VPS50: variants seen among roughly 807,000 people sequenced by gnomAD.
VPS50 encodes the protein syndetin.
VPS50 carries 70 observed loss-of-function variants against 139.7 expected under a neutral mutation model. The observed-to-expected ratio is 0.50, with a 90% CI of 0.41 to 0.61. The LOEUF is 0.61. VPS50 is among the 20% of genes least tolerant of loss of function. VPS50 has a pLI of 0.00. For synonymous variants in VPS50, 365 were observed against 376.7 expected (o/e 0.97, Z 0.36); for missense variants, 921 against 1,133.7 (o/e 0.81, Z 2.69).
At chr7:93,318,016 T>C (rs1797479678) in intron 20 of VPS50, among the ~76,000 whole-genome samples, 1 of 151,672 alleles carries the variant, frequency 6.6e-6, no homozygotes, top group African/African-American at 2.4e-5. Flanking sequence ...GAAAAAAAGT[T>C]TGTCATTCAC....
chr7:93,242,417 A>G (rs1795020748), intron 2 of VPS50, among the ~76,000 whole-genome samples: 1 of 151,892 alleles, frequency 6.6e-6, no homozygotes, highest in Non-Finnish European at 1.5e-5. Flanking sequence ...AAGTTATACA[A>G]CCTTTTAAAA....
chr7:93,335,022 A>G (rs565955684), intron 22 of VPS50, among the ~76,000 whole-genome samples: 2 of 152,258 alleles, frequency 1.3e-5, no homozygotes, highest in East Asian at 1.9e-4. Flanking sequence ...CTGTTATTGA[A>G]GCTTTTTATA....
intron 23 of VPS50, among the ~76,000 whole-genome samples, chr7:93,348,288 G>T (rs545940189): frequency 4.6e-5 from 7 of 152,254 alleles, no homozygotes; most frequent in East Asian, 3.9e-4. Flanking sequence ...GAATGTTGGG[G>T]TTACTTCTGA....
In VPS50 at chr7:93,272,901, G is replaced by C. The variant is rs569489032; in HGVS notation, c.801+168G>C. 5 of 457,882 alleles carry C rather than the reference G, an allele frequency of 1.1e-5. No homozygotes were observed. In the East Asian group the frequency reaches 1.6e-4, roughly 15 times the overall value. 28.4% of individuals were successfully genotyped at this position (457,882 alleles called of 1,614,324 possible). On this transcript the variant is annotated intron_variant, in intron 11 of 27. Coordinates refer to ENST00000305866, the MANE Select transcript of VPS50 (RefSeq NM_017667.4). The stretch of plus-strand genomic sequence containing the variant: ...AATGGTTGTTCTTGTAGACTCAGAG[G>C]GTATATAATGTGGTTAAAACATTAC...
chr7:93,308,800 T>C (rs1433948587), intron 18 of VPS50, 24 bp from the exon 19 acceptor site: 10 of 1,362,130 alleles, frequency 7.3e-6, no homozygotes, highest in Non-Finnish European at 1.0e-5. Flanking sequence ...ATACTCATTT[T>C]TTAATAACCT....
At chr7:93,237,004 G>GTCGC (rs1187537014) in intron 1 of VPS50, among the ~76,000 whole-genome samples, 1 of 124,128 alleles carries the variant, frequency 8.1e-6, no homozygotes, top group African/African-American at 3.1e-5. Flanking sequence ...AGGCTGGAGT[G>GTCGC]CAGTGGAGCG....
chr7:93,273,373 A>T (rs1174936797), intron 11 of VPS50: 1 of 152,062 alleles, frequency 6.6e-6, no homozygotes, highest in African/African-American at 2.4e-5. Flanking sequence ...ATTTAATGTG[A>T]TAGATGTAAA....
chr7:93,338,473 G>A (rs1455113110), intron 22 of VPS50, among the ~76,000 whole-genome samples: 1 of 152,120 alleles, frequency 6.6e-6, no homozygotes, highest in East Asian at 1.9e-4. Flanking sequence ...ATAGGAGAGT[G>A]AGCCACCCTT....
intron 9 of VPS50, among the ~76,000 whole-genome samples, chr7:93,267,616 T>C (rs959604913): frequency 1.3e-5 from 2 of 152,160 alleles, no homozygotes; most frequent in Non-Finnish European, 2.9e-5. Flanking sequence ...CTTACTGTAG[T>C]ACAGGAATTC....
chr7:93,314,639 G>A lies in VPS50; in HGVS notation c.1855+3367G>A, dbSNP rs181993119. On this transcript the variant is annotated intron_variant, in intron 20 of 27. Transcript: ENST00000305866. ...GAAGTCCATGCTTGTAAGAACTGCC[G>A]ACAACAACAAAATTACCACTTTAGT... Among the ~76,000 whole-genome samples, 5 of 152,152 alleles carry A rather than the reference G, an allele frequency of 3.3e-5. No homozygotes were observed. In the East Asian group the frequency reaches 7.7e-4, roughly 24 times the overall value.
At chr7:93,271,016 A>G (rs567008031) in intron 9 of VPS50, 20 of 666,368 alleles carry the variant, frequency 3.0e-5, no homozygotes, top group Non-Finnish European at 4.2e-5. Context: ...TACTCACGCA[A>G]TCCTGTTGCT....
intron 8 of VPS50, among the ~76,000 whole-genome samples, chr7:93,258,816 T>G (rs905161833): frequency 6.6e-6 from 1 of 152,042 alleles, no homozygotes; most frequent in Non-Finnish European, 1.5e-5. Flanking sequence ...TGTCTACTTC[T>G]GTCATAAGGT....
At chr7:93,261,157 G>T (rs761600112) in intron 9 of VPS50, among the ~76,000 whole-genome samples, 6 of 152,126 alleles carry the variant, frequency 3.9e-5, no homozygotes, top group Non-Finnish European at 5.9e-5. Context: ...AAATCCATTT[G>T]AACCAAAGCA....
chr7:93,316,583 C>T (rs984178242), intron 20 of VPS50, among the ~76,000 whole-genome samples: 5 of 152,092 alleles, frequency 3.3e-5, no homozygotes, highest in Middle Eastern at 3.4e-3. Flanking sequence ...CAGTGATGAG[C>T]GATCACTCAG....
chr7:93,303,368 A>G (rs569363124), intron 16 of VPS50, 92 bp from the exon 17 acceptor site: 2 of 521,624 alleles, frequency 3.8e-6, no homozygotes, highest in African/African-American at 1.9e-5. Context: ...CAATAATCCT[A>G]TAATTATTTG....
Position 93,337,416 on chromosome 7 carries a change from T to C in VPS50, c.2058+3219T>C, listed in dbSNP as rs540750645. ...ACTGTATTCTCTCAGACTATAGATA[T>C]ACCCTCTCCTTGACTTCCATTATTT... On this transcript the variant is annotated intron_variant, in intron 22 of 27. Coordinates refer to ENST00000305866, the MANE Select transcript of VPS50 (RefSeq NM_017667.4). 4.6e-5 allele frequency among the ~76,000 whole-genome samples: 7 copies of C among 152,326 alleles called. No individual in the cohort carries two copies. In the South Asian group the frequency reaches 1.5e-3, roughly 32 times the overall value.
intron 23 of VPS50, among the ~76,000 whole-genome samples, chr7:93,342,275 T>TA (rs1798237227): frequency 6.6e-6 from 1 of 152,136 alleles, no homozygotes; most frequent in South Asian, 2.1e-4. Flanking sequence ...CCGACGGGCT[T>TA]AAAAAACGGT....
chr7:93,317,886 C>T (rs1458415381), intron 20 of VPS50, among the ~76,000 whole-genome samples: 1 of 151,958 alleles, frequency 6.6e-6, no homozygotes, highest in Non-Finnish European at 1.5e-5. Flanking sequence ...TCATTGAAGT[C>T]ATAAGTGCAG....
intron 21 of VPS50, among the ~76,000 whole-genome samples, chr7:93,327,154 A>G (rs1024493944): frequency 2.6e-5 from 4 of 152,178 alleles, no homozygotes; most frequent in Admixed American, 6.5e-5. Flanking sequence ...AAATTTCACA[A>G]TAGTGGAAAC....
Sources: gnomAD v4.1 joint callset for allele counts (sites outside exome capture counted in the v4.1 genomes callset) on GRCh38, gnomAD v4.1.1 for gene constraint, MANE v1.5 for transcripts, NCBI Gene and HGNC (gene_info 2026-07-23, HGNC 2026-07-21) for gene names.